PRKAR1B: variants seen among roughly 807,000 people sequenced by gnomAD.
PRKAR1B encodes protein kinase cAMP-dependent type I regulatory subunit beta.
A neutral mutation model predicts 46.5 loss-of-function variants in PRKAR1B; 22 were observed. The ratio of observed to expected loss-of-function variants is 0.47; its 90% CI spans 0.34 to 0.68. The LOEUF (loss-of-function observed/expected upper bound fraction) is 0.68. Ranked by LOEUF, PRKAR1B falls within the 30% of genes least tolerant of loss-of-function variation. PRKAR1B has a pLI of 0.01. For missense variants in PRKAR1B, 445 were observed against 535.6 expected, an observed-to-expected ratio of 0.83 and a Z score of 1.67; for synonymous variants, 259 against 217.7, an observed-to-expected ratio of 1.19 and a Z score of -1.67.
chr7:553,659 G>A (rs1454388773), intron 9 of PRKAR1B, among the ~76,000 whole-genome samples: 1 of 152,200 alleles, frequency 6.6e-6, no homozygotes, highest in Admixed American at 6.5e-5. Context: ...GGTTCACCCT[G>A]GCTCACCCAG....
intron 4 of PRKAR1B, among the ~76,000 whole-genome samples, chr7:662,511 C>G (rs1208950072): frequency 6.7e-6 from 1 of 149,648 alleles, no homozygotes; most frequent in Non-Finnish European, 1.5e-5. Context: ...GGTCCCCACC[C>G]CAACAGATCC....
At chr7:671,960 A>G (rs1314142760) in intron 4 of PRKAR1B, among the ~76,000 whole-genome samples, 3 of 152,084 alleles carry the variant, frequency 2.0e-5, no homozygotes, top group Non-Finnish European at 2.9e-5. Flanking sequence ...GCCTCTCTCA[A>G]TGTCCTTCAC....
intron 4 of PRKAR1B, among the ~76,000 whole-genome samples, chr7:668,394 C>G (rs1172726072): frequency 6.6e-6 from 1 of 152,198 alleles, no homozygotes; most frequent in Non-Finnish European, 1.5e-5. Context: ...CCCCTGCCCA[C>G]TCCCTCTGGA....
rs530903009 is a variant in PRKAR1B at position 568,872 on chromosome 7, G to A, written c.891+10384C>T. 3.9e-5 allele frequency among the ~76,000 whole-genome samples: 6 copies of A among 152,266 alleles called. No individual in the cohort carries two copies. In the East Asian group the frequency reaches 5.8e-4, roughly 15 times the overall value. Reference sequence around the variant, plus strand: ...CTGTCTCGTCTGGGAACGCCTGCGCGGCGGTGCCCCGAGATACGGGTGGGA... The same window carrying A: ...CTGTCTCGTCTGGGAACGCCTGCGCAGCGGTGCCCCGAGATACGGGTGGGA... On this transcript the variant is annotated intron_variant, in intron 9 of 10. Coordinates refer to ENST00000537384, the MANE Select transcript of PRKAR1B (RefSeq NM_001164760.2).
At chr7:584,443 G>C in intron 8 of PRKAR1B, 65 bp downstream of exon 8, 1 of 1,424,886 alleles carries the variant, frequency 7.0e-7, no homozygotes, top group Non-Finnish European at 9.9e-7. Flanking sequence ...TGGGGAAGAG[G>C]CCGGGGTGGC....
chr7:695,906 C>T (rs554241685), intron 2 of PRKAR1B, among the ~76,000 whole-genome samples: 1 of 150,950 alleles, frequency 6.6e-6, no homozygotes, highest in South Asian at 2.1e-4. Flanking sequence ...CCTCGTTATT[C>T]ACCCCTCTTG....
At chr7:650,987 C>G (rs1207769981) in intron 4 of PRKAR1B, among the ~76,000 whole-genome samples, 1 of 152,174 alleles carries the variant, frequency 6.6e-6, no homozygotes, top group Non-Finnish European at 1.5e-5. Context: ...CATCACCTCT[C>G]TGGACCAGGA....
At chr7:718,297 TAC>T (rs1266591063) in intron 1 of PRKAR1B, among the ~76,000 whole-genome samples, 6 of 127,886 alleles carry the variant, frequency 4.7e-5, no homozygotes, top group Non-Finnish European at 8.4e-5. Flanking sequence ...CACACACACA[TAC>T]ACATATATAC....
chr7:618,230 C>T (rs1371820219), intron 4 of PRKAR1B, among the ~76,000 whole-genome samples: 1 of 152,342 alleles, frequency 6.6e-6, no homozygotes, highest in East Asian at 1.9e-4. Context: ...CAAACCCCGC[C>T]GTTCCCGACA....
intron 4 of PRKAR1B, among the ~76,000 whole-genome samples, chr7:620,966 A>C (rs981038540): frequency 6.6e-6 from 1 of 152,236 alleles, no homozygotes. Flanking sequence ...TTAGTTTGCT[A>C]AGAATTTATG....
intron 4 of PRKAR1B, among the ~76,000 whole-genome samples, chr7:669,429 A>C (rs1786101488): frequency 6.6e-6 from 1 of 152,194 alleles, no homozygotes; most frequent in African/African-American, 2.4e-5. Flanking sequence ...GCAGCACACC[A>C]TTGTGAATGT....
intron 7 of PRKAR1B, among the ~76,000 whole-genome samples, chr7:594,960 C>T (rs2128456028): frequency 6.6e-6 from 1 of 152,354 alleles, no homozygotes; most frequent in East Asian, 1.9e-4. Context: ...GGATGAATGG[C>T]CGCACGGGGT....
chr7:605,512 T>C (rs1781975191), intron 6 of PRKAR1B, among the ~76,000 whole-genome samples: 1 of 152,234 alleles, frequency 6.6e-6, no homozygotes, highest in African/African-American at 2.4e-5. Flanking sequence ...GTGCCGTGTG[T>C]ATGTGTTTAT....
rs539570487 is a variant in PRKAR1B at position 593,101 on chromosome 7, G to A, written c.708+3045C>T. On this transcript the variant is annotated intron_variant, in intron 7 of 10. Transcript: ENST00000537384. The surrounding 1 kb of genome is among the most constrained non-coding windows in gnomAD (Gnocchi z 6.1). ...GTCTGGGGAGTGCTGGCCCCGGGCTGGGCCCCTGCCTGGGAGCCTAGAGGT... is the reference window on the plus strand; with the variant it reads ...GTCTGGGGAGTGCTGGCCCCGGGCTAGGCCCCTGCCTGGGAGCCTAGAGGT... 6.6e-6 allele frequency among the ~76,000 whole-genome samples: 1 copy of A among 152,326 alleles called. No individual in the cohort carries two copies. Among genetic ancestry groups the A allele is most frequent in the South Asian group, 2.1e-4 (1 of 4,826 alleles).
At chr7:643,746 C>T (rs1044012107) in intron 4 of PRKAR1B, among the ~76,000 whole-genome samples, 3 of 152,002 alleles carry the variant, frequency 2.0e-5, no homozygotes, top group Admixed American at 6.6e-5. Flanking sequence ...TCGCAGCTTC[C>T]TGGAATACCA....
chr7:580,249 A>T (rs1238335238), intron 8 of PRKAR1B, among the ~76,000 whole-genome samples: 1 of 150,996 alleles, frequency 6.6e-6, no homozygotes, highest in South Asian at 2.1e-4. Context: ...AAAAAAAAGA[A>T]AAAAGAAAAA....
intron 2 of PRKAR1B, chr7:691,940 G>T: frequency 2.4e-6 from 2 of 821,136 alleles, no homozygotes; most frequent in Non-Finnish European, 3.1e-6. Context: ...CCATCCCCAG[G>T]CTGAATCACT....
chr7:603,002 C>T (rs1300405292), intron 6 of PRKAR1B, among the ~76,000 whole-genome samples: 2 of 152,138 alleles, frequency 1.3e-5, no homozygotes, highest in Non-Finnish European at 2.9e-5. Flanking sequence ...AGCCCCATGT[C>T]GGTTTCAGGC....
At chr7:651,289 C>T (rs1004460276) in intron 4 of PRKAR1B, among the ~76,000 whole-genome samples, 2 of 152,214 alleles carry the variant, frequency 1.3e-5, no homozygotes, top group East Asian at 1.9e-4. Flanking sequence ...CCTATAGGGA[C>T]GTGTGCCATG....
Sources: allele counts gnomAD v4.1 joint callset (sites outside exome capture counted in the v4.1 genomes callset), GRCh38; gene constraint gnomAD v4.1.1; non-coding constraint Gnocchi (gnomAD v3.1); transcripts MANE v1.5; gene names NCBI Gene and HGNC (gene_info 2026-07-23, HGNC 2026-07-21).